LUZP2: variants seen among roughly 807,000 people sequenced by gnomAD.
The protein encoded by LUZP2 is leucine zipper protein 2.
A neutral mutation model predicts 51.6 loss-of-function variants in LUZP2; 52 were observed. That is an observed-to-expected ratio of 1.01 (90% CI 0.81 to 1.27). LUZP2 has a LOEUF of 1.27. LUZP2 is among the 50% of genes most tolerant of loss of function. LUZP2 has a pLI of 0.00. For synonymous variants in LUZP2, 154 were observed against 137.3 expected, an observed-to-expected ratio of 1.12 and a Z score of -0.85; for missense variants, 436 against 395.4, an observed-to-expected ratio of 1.10 and a Z score of -0.87.
chr11:24,808,947 G>C lies in LUZP2; in HGVS notation c.396+45639G>C, dbSNP rs548815447. On this transcript the variant is annotated intron_variant, in intron 5 of 11. Transcript: ENST00000336930. ...ATCAATTTAGAATTACTCTGGCTTAGAGTTAAACATTTAAATAACTTATAG... is the reference window on the plus strand; with the variant it reads ...ATCAATTTAGAATTACTCTGGCTTACAGTTAAACATTTAAATAACTTATAG... Among the ~76,000 whole-genome samples, 48 of 152,076 alleles carry C rather than the reference G, an allele frequency of 3.2e-4. 1 individual carries two copies. Among genetic ancestry groups the C allele is most frequent in the Admixed American group, 2.9e-3 (45 of 15,276 alleles).
At chr11:24,546,479 A>G (rs575110454) in intron 1 of LUZP2, among the ~76,000 whole-genome samples, 275 of 152,166 alleles carry the variant, frequency 1.8e-3, no homozygotes, top group African/African-American at 6.4e-3. Context: ...GTTTTTTAAC[A>G]TAAAAAAATG....
At chr11:24,587,436 G>T (rs753400115) in intron 1 of LUZP2, among the ~76,000 whole-genome samples, 12 of 152,096 alleles carry the variant, frequency 7.9e-5, no homozygotes, top group Non-Finnish European at 1.5e-4. Context: ...AGAAGCCTGA[G>T]CGAGCATAAG....
At chr11:24,663,018 T>C (rs192431356) in intron 1 of LUZP2, among the ~76,000 whole-genome samples, 3 of 152,160 alleles carry the variant, frequency 2.0e-5, no homozygotes, top group African/African-American at 7.2e-5. Flanking sequence ...AATAATAATA[T>C]GAATAATAAA....
intron 5 of LUZP2, among the ~76,000 whole-genome samples, chr11:24,847,825 A>G (rs978164753): frequency 6.6e-6 from 1 of 152,168 alleles, no homozygotes; most frequent in African/African-American, 2.4e-5. Context: ...ATTTATTTAT[A>G]TGTTACCTAG....
At chr11:24,919,627 A>T (rs1350528764) in intron 7 of LUZP2, among the ~76,000 whole-genome samples, 1 of 147,878 alleles carries the variant, frequency 6.8e-6, no homozygotes, top group East Asian at 2.0e-4. Flanking sequence ...AGGTTACTTA[A>T]CCTTTCACTT....
chr11:24,815,792 A>G (rs970968720), intron 5 of LUZP2, among the ~76,000 whole-genome samples: 8 of 152,106 alleles, frequency 5.3e-5, no homozygotes, highest in African/African-American at 1.9e-4. Context: ...GCTTGTCAAA[A>G]TGTCCCTTAT....
intron 1 of LUZP2, among the ~76,000 whole-genome samples, chr11:24,593,874 G>A (rs1853340592): frequency 6.6e-6 from 1 of 152,162 alleles, no homozygotes; most frequent in Non-Finnish European, 1.5e-5. Context: ...TCACATTTCA[G>A]GAGAGTAATT....
intron 7 of LUZP2, among the ~76,000 whole-genome samples, chr11:24,966,827 A>G (rs1345528117): frequency 6.8e-6 from 1 of 147,302 alleles, no homozygotes; most frequent in Admixed American, 6.8e-5. Context: ...GTAAAAATAT[A>G]TATGTATACA....
At chr11:24,964,832 T>C (rs1287127673) in intron 7 of LUZP2, among the ~76,000 whole-genome samples, 1 of 151,968 alleles carries the variant, frequency 6.6e-6, no homozygotes, top group Non-Finnish European at 1.5e-5. Flanking sequence ...AGATAGTCAA[T>C]CCAGGTTCAT....
intron 1 of LUZP2, among the ~76,000 whole-genome samples, chr11:24,660,684 C>T (rs1855989615): frequency 6.6e-6 from 1 of 152,168 alleles, no homozygotes; most frequent in African/African-American, 2.4e-5. Flanking sequence ...AATGCATTCA[C>T]CGTAATCCTC....
intron 1 of LUZP2, among the ~76,000 whole-genome samples, chr11:24,706,867 G>A (rs1857603295): frequency 6.6e-6 from 1 of 151,034 alleles, no homozygotes. Context: ...ACTCCTTCAG[G>A]GAACCTCTCT....
intron 1 of LUZP2, among the ~76,000 whole-genome samples, chr11:24,615,605 A>G (rs1854260298): frequency 6.6e-6 from 1 of 152,034 alleles, no homozygotes; most frequent in African/African-American, 2.4e-5. Flanking sequence ...AATGCTATGA[A>G]TATTTCTGAA....
intron 1 of LUZP2, among the ~76,000 whole-genome samples, chr11:24,698,128 G>T (rs1328415585): frequency 6.6e-6 from 1 of 152,130 alleles, no homozygotes; most frequent in Non-Finnish European, 1.5e-5. Context: ...GCTGTCTTGT[G>T]ATAATTAAAC....
At chr11:24,592,036 A>G (rs1853278588) in intron 1 of LUZP2, among the ~76,000 whole-genome samples, 1 of 152,162 alleles carries the variant, frequency 6.6e-6, no homozygotes, top group Non-Finnish European at 1.5e-5. Flanking sequence ...GGGGAAAAGG[A>G]ACTGTGCAGT....
At chr11:24,808,186 T>G (rs1180853439) in intron 5 of LUZP2, among the ~76,000 whole-genome samples, 7 of 152,316 alleles carry the variant, frequency 4.6e-5, no homozygotes, top group Middle Eastern at 3.4e-3. Context: ...TTTAAATAAT[T>G]AATGTAAGCG....
chr11:24,708,593 G>A (rs1466168185), intron 1 of LUZP2, among the ~76,000 whole-genome samples: 2 of 152,090 alleles, frequency 1.3e-5, no homozygotes, highest in African/African-American at 4.8e-5. Flanking sequence ...CGCTCTCACA[G>A]ACCCACTTCT....
chr11:24,713,863 T>A (rs1294181511), intron 1 of LUZP2, among the ~76,000 whole-genome samples: 21 of 138,998 alleles, frequency 1.5e-4, no homozygotes, highest in Non-Finnish European at 3.1e-5. Flanking sequence ...CATTTTTTTT[T>A]TTTTTTTTTT....
intron 6 of LUZP2, among the ~76,000 whole-genome samples, chr11:24,906,259 A>C (rs1853449054): frequency 6.6e-6 from 1 of 151,908 alleles, no homozygotes; most frequent in Non-Finnish European, 1.5e-5. Context: ...AAAATTAACA[A>C]AGGCAGGTAA....
chr11:24,935,123 G>A (rs908130714), intron 7 of LUZP2, among the ~76,000 whole-genome samples: 3 of 152,138 alleles, frequency 2.0e-5, no homozygotes, highest in Non-Finnish European at 4.4e-5. Context: ...AGGGTGTGTT[G>A]AGCAATGAAT....
Sources: allele counts gnomAD v4.1 joint callset (sites outside exome capture counted in the v4.1 genomes callset), GRCh38; gene constraint gnomAD v4.1.1; transcripts MANE v1.5; gene names NCBI Gene and HGNC (gene_info 2026-07-23, HGNC 2026-07-21).